PELI1: variants seen among roughly 807,000 people sequenced by gnomAD.
The protein encoded by PELI1 is E3 ubiquitin-protein ligase pellino homolog 1.
In PELI1, 15 loss-of-function variants were observed where a neutral mutation model predicts 41.3. The observed-to-expected ratio is 0.36, with a 90% CI of 0.24 to 0.56. PELI1 has a LOEUF of 0.56. Ranked by LOEUF, PELI1 falls within the 20% of genes least tolerant of loss-of-function variation. PELI1 has a pLI of 0.82. For missense variants in PELI1, 403 were observed against 525.5 expected, an observed-to-expected ratio of 0.77 and a Z score of 2.28; for synonymous variants, 178 against 180.1, an observed-to-expected ratio of 0.99 and a Z score of 0.09.
chr2:64,110,247 G>GAAAAAAAAAAAAAAAAAA (rs796716135), intron 1 of PELI1, among the ~76,000 whole-genome samples: 1 of 100,798 alleles, frequency 9.9e-6, no homozygotes, highest in Non-Finnish European at 2.1e-5. Flanking sequence ...TCCGTCTCAA[G>GAAAAAAAAAAAAAAAAAA]AAAAAAAAAA....
intron 1 of PELI1, among the ~76,000 whole-genome samples, chr2:64,117,369 A>G (rs1377424614): frequency 6.6e-6 from 1 of 151,684 alleles, no homozygotes; most frequent in East Asian, 1.9e-4. Flanking sequence ...ACCACTCTTA[A>G]TATATAATAG....
intron 1 of PELI1, among the ~76,000 whole-genome samples, 177 bp downstream of exon 1, chr2:64,143,904 G>A (rs1272817968): frequency 1.3e-5 from 2 of 151,468 alleles, no homozygotes; most frequent in African/African-American, 4.8e-5. Flanking sequence ...GAGCCAGGGC[G>A]CGGGATGCAG....
At chr2:64,125,505 C>T (rs1201192224) in intron 1 of PELI1, among the ~76,000 whole-genome samples, 1 of 152,144 alleles carries the variant, frequency 6.6e-6, no homozygotes, top group Non-Finnish European at 1.5e-5. Flanking sequence ...TCAATATAAT[C>T]CCATGACCAA....
At position 64,093,527 on chromosome 2, in the gene PELI1, T is replaced by C. The variant is rs1041842455; in HGVS notation, c.*1175A>G. 2.6e-5 allele frequency: 4 copies of C among 152,614 alleles called. No individual in the cohort carries two copies. The highest frequency in any genetic ancestry group is 3.8e-4 in the East Asian group (2 of 5,198). 9.5% of individuals were successfully genotyped at this position (152,614 alleles called of 1,614,324 possible). The stretch of plus-strand genomic sequence containing the variant: ...TTGGAATTAGAGAATAAACAGACCA[T>C]GCAGTGCGTCACTCCACGCTGCAGT... On this transcript the variant is annotated 3_prime_UTR_variant, in exon 7 of 7. Transcript: ENST00000358912.
chr2:64,132,205 A>C (rs898903132), intron 1 of PELI1, among the ~76,000 whole-genome samples: 4 of 152,138 alleles, frequency 2.6e-5, no homozygotes, highest in South Asian at 2.1e-4. Flanking sequence ...AGAACTTTAT[A>C]TATTATCTCT....
intron 3 of PELI1, among the ~76,000 whole-genome samples, chr2:64,104,024 T>C (rs1462687347): frequency 6.6e-6 from 1 of 152,202 alleles, no homozygotes; most frequent in Non-Finnish European, 1.5e-5. Context: ...CCAAGTATCC[T>C]GAAATGGTGG....
At chr2:64,101,328 T>TA (rs1680422880) in intron 3 of PELI1, among the ~76,000 whole-genome samples, 6 of 149,608 alleles carry the variant, frequency 4.0e-5, no homozygotes, top group African/African-American at 9.9e-5. Context: ...AGAAAAAAAT[T>TA]TAAAAAAAAA....
At chr2:64,131,003 C>T (rs1681536892) in intron 1 of PELI1, among the ~76,000 whole-genome samples, 1 of 152,030 alleles carries the variant, frequency 6.6e-6, no homozygotes. Flanking sequence ...AAAATCAGTT[C>T]TAGAAATCAA....
At chr2:64,127,571 G>A (rs1681430662) in intron 1 of PELI1, among the ~76,000 whole-genome samples, 1 of 152,098 alleles carries the variant, frequency 6.6e-6, no homozygotes, top group Admixed American at 6.6e-5. Context: ...TGATGAATAT[G>A]GCTTGAATTT....
At position 64,093,422 on chromosome 2, in the gene PELI1, A is replaced by G. The variant is rs1201762095; in HGVS notation, c.*1280T>C. On this transcript the variant is annotated 3_prime_UTR_variant, in exon 7 of 7. Transcript: ENST00000358912. ...AAGATTTGATGTAGTGCAACTGTCT[A>G]TACTTGTGGTGCCTTTGAAAAAAGG... is the stretch of plus-strand genomic sequence containing the variant. 6.6e-6 allele frequency: 1 copy of G among 152,660 alleles called. No individual in the cohort carries two copies. The highest frequency in any genetic ancestry group is 1.5e-5 in the Non-Finnish European group (1 of 68,034). 9.5% of individuals were successfully genotyped at this position (152,660 alleles called of 1,614,324 possible). A position where few individuals can be genotyped will look rare whatever the true frequency, so the allele number is the denominator to read the frequency against.
chr2:64,113,776 C>G (rs551426095), intron 1 of PELI1, among the ~76,000 whole-genome samples: 1 of 152,034 alleles, frequency 6.6e-6, no homozygotes, highest in East Asian at 1.9e-4. Context: ...TTTTAAGGGC[C>G]AGTGAAATAC....
intron 2 of PELI1, among the ~76,000 whole-genome samples, chr2:64,105,865 G>A (rs1226131239): frequency 2.6e-5 from 4 of 152,114 alleles, no homozygotes; most frequent in Non-Finnish European, 4.4e-5. Context: ...AATCTAGGGG[G>A]AAAGGAAGCA....
At chr2:64,130,500 T>C (rs1011812063) in intron 1 of PELI1, among the ~76,000 whole-genome samples, 13 of 152,198 alleles carry the variant, frequency 8.5e-5, no homozygotes, top group African/African-American at 3.1e-4. Flanking sequence ...GCTCCCATAG[T>C]TTATCTGCAA....
chr2:64,100,362 G>A (rs766209248), intron 4 of PELI1, 36 bp downstream of exon 4: 26 of 1,096,668 alleles, frequency 2.4e-5, no homozygotes, highest in East Asian at 7.2e-5. Context: ...TAACTTTTTC[G>A]TTTCTTAAGA....
At chr2:64,121,502 T>C (rs1275121382) in intron 1 of PELI1, among the ~76,000 whole-genome samples, 1 of 152,236 alleles carries the variant, frequency 6.6e-6, no homozygotes, top group Non-Finnish European at 1.5e-5. Flanking sequence ...AAAAATTCCT[T>C]ATGTCTTTAA....
intron 1 of PELI1, 126 bp downstream of exon 1, chr2:64,143,955 G>A (rs1239215201): frequency 1.2e-4 from 10 of 80,952 alleles, no homozygotes; most frequent in Non-Finnish European, 2.5e-4. Context: ...GGGGCGCGCA[G>A]GCGGGCGGGG....
intron 3 of PELI1, chr2:64,104,474 A>C: frequency 2.1e-6 from 1 of 487,332 alleles, no homozygotes; most frequent in African/African-American, 2.0e-5. Flanking sequence ...GTTTCCTTCT[A>C]ATTTCCACCC....
Position 64,100,451 on chromosome 2 carries a change from C to T in PELI1, c.250G>A (p.Ala84Thr). Reference protein sequence around the residue: ...QHSISYTLSRAQTVVVEYTHD... With the variant: ...QHSISYTLSRTQTVVVEYTHD... ...GTATATTCAACCACCACAGTCTGGG[C>T]CCGAGATAAAGTATATGATATGCTA... The change falls in exon 4 of 7, where the codon GCC becomes ACC. Residue 84 changes from alanine (A) to threonine (T), a missense_variant. Transcript: ENST00000358912. The T allele has an allele frequency of 1.3e-6, 2 of 1,588,896 alleles. No individual in the cohort carries two copies. Among genetic ancestry groups the T allele is most frequent in the Non-Finnish European group, 1.7e-6 (2 of 1,157,384 alleles).
At chr2:64,122,709 A>G (rs772062908) in intron 1 of PELI1, among the ~76,000 whole-genome samples, 1 of 152,216 alleles carries the variant, frequency 6.6e-6, no homozygotes, top group Non-Finnish European at 1.5e-5. Context: ...GTACATTTGT[A>G]TTGAATATCG....
Sources: allele counts gnomAD v4.1 joint callset (sites outside exome capture counted in the v4.1 genomes callset), GRCh38; gene constraint gnomAD v4.1.1; transcripts MANE v1.5; gene names NCBI Gene and HGNC (gene_info 2026-07-23, HGNC 2026-07-21).